GALNTL6: variants seen among roughly 807,000 people sequenced by gnomAD.
GALNTL6 encodes polypeptide N-acetylgalactosaminyltransferase like 6.
A neutral mutation model predicts 73.7 loss-of-function variants in GALNTL6; 46 were observed. That is an observed-to-expected ratio of 0.62 (90% confidence interval 0.49 to 0.80). The LOEUF (loss-of-function observed/expected upper bound fraction) is 0.80, where lower values mean the gene tolerates loss of function less well. Among genes scored for constraint, GALNTL6 ranks in the 30% least tolerant of loss-of-function variants. The pLI, the probability that GALNTL6 is intolerant of heterozygous loss-of-function variation, is 0.00. For synonymous variants in GALNTL6, 259 were observed against 263.7 expected, an observed-to-expected ratio of 0.98 and a Z score of 0.17; for missense variants, 604 against 755.0, an observed-to-expected ratio of 0.80 and a Z score of 2.34.
chr4:172,117,507 G>C (rs1261066757), intron 2 of GALNTL6, among the ~76,000 whole-genome samples: 1 of 152,036 alleles, frequency 6.6e-6, no homozygotes, highest in South Asian at 2.1e-4. Flanking sequence ...GGACATCTAC[G>C]TTTGTTTTAT....
At chr4:171,908,532 T>G (rs1401673675) in intron 2 of GALNTL6, among the ~76,000 whole-genome samples, 1 of 151,922 alleles carries the variant, frequency 6.6e-6, no homozygotes, top group South Asian at 2.1e-4. Flanking sequence ...AGGAACACTT[T>G]TACACTGTTG....
chr4:172,977,572 AAG>A (rs1750874158), intron 10 of GALNTL6, among the ~76,000 whole-genome samples: 1 of 152,320 alleles, frequency 6.6e-6, no homozygotes, highest in African/African-American at 2.4e-5. Flanking sequence ...GTAAAGGAAA[AAG>A]AATATTTGGA....
intron 2 of GALNTL6, among the ~76,000 whole-genome samples, chr4:172,124,683 C>G (rs1404584906): frequency 3.9e-5 from 6 of 152,096 alleles, no homozygotes; most frequent in African/African-American, 1.4e-4. Context: ...AAAAACAAAT[C>G]TACTGAAGAG....
chr4:172,183,817 G>A (rs901587631), intron 2 of GALNTL6, among the ~76,000 whole-genome samples: 5 of 138,594 alleles, frequency 3.6e-5, no homozygotes, highest in African/African-American at 1.0e-4. Flanking sequence ...TTTTTGAGAC[G>A]GAGTCTCTCT....
At chr4:171,831,469 C>T (rs1490533632) in intron 2 of GALNTL6, among the ~76,000 whole-genome samples, 2 of 151,916 alleles carry the variant, frequency 1.3e-5, no homozygotes, top group African/African-American at 2.4e-5. Flanking sequence ...ATTATATCTC[C>T]TCTTGTTTGT....
chr4:172,281,005 C>CAAA (rs34883890), intron 3 of GALNTL6, among the ~76,000 whole-genome samples: 10 of 132,722 alleles, frequency 7.5e-5, no homozygotes, highest in South Asian at 2.5e-4. Context: ...CTAAAAAATA[C>CAAA]AAAAAAAAAA....
At chr4:172,559,380 G>C (rs1230061004) in intron 5 of GALNTL6, among the ~76,000 whole-genome samples, 3 of 152,044 alleles carry the variant, frequency 2.0e-5, no homozygotes, top group Non-Finnish European at 4.4e-5. Context: ...TGATAATTAA[G>C]TCATAGAATT....
intron 2 of GALNTL6, among the ~76,000 whole-genome samples, chr4:172,158,811 T>C (rs907111158): frequency 6.6e-6 from 1 of 152,216 alleles, no homozygotes; most frequent in South Asian, 2.1e-4. Context: ...GTGCAAAAGC[T>C]ATGAAACATA....
At chr4:172,295,684 A>C (rs1337290353) in intron 3 of GALNTL6, among the ~76,000 whole-genome samples, 1 of 151,238 alleles carries the variant, frequency 6.6e-6, no homozygotes, top group Non-Finnish European at 1.5e-5. Context: ...ATACATTTTT[A>C]ATTCAGATCC....
At chr4:172,501,803 C>T (rs1214541707) in intron 5 of GALNTL6, among the ~76,000 whole-genome samples, 1 of 152,064 alleles carries the variant, frequency 6.6e-6, no homozygotes, top group Non-Finnish European at 1.5e-5. Flanking sequence ...ATGTATAAGC[C>T]TCCTATAGTT....
chr4:172,862,211 T>C (rs932954921), intron 7 of GALNTL6, among the ~76,000 whole-genome samples: 2 of 152,174 alleles, frequency 1.3e-5, no homozygotes, highest in African/African-American at 4.8e-5. Flanking sequence ...AAAGTCCAGG[T>C]TGAGGTGGTC....
chr4:172,330,033 T>C (rs1373044090), intron 4 of GALNTL6, among the ~76,000 whole-genome samples: 1 of 152,222 alleles, frequency 6.6e-6, no homozygotes, highest in East Asian at 1.9e-4. Context: ...TACTGGTGGC[T>C]GGCTGGAGTT....
intron 5 of GALNTL6, among the ~76,000 whole-genome samples, chr4:172,411,199 G>T (rs1744421041): frequency 6.6e-6 from 1 of 152,054 alleles, no homozygotes; most frequent in South Asian, 2.1e-4. Context: ...AGGGCCAAAG[G>T]GCTTTTAATG....
intron 2 of GALNTL6, among the ~76,000 whole-genome samples, chr4:171,914,110 A>G (rs1737547748): frequency 6.6e-6 from 1 of 152,166 alleles, no homozygotes; most frequent in Admixed American, 6.5e-5. Flanking sequence ...TAACAAAATC[A>G]TCAAAACACT....
At chr4:172,273,226 T>A (rs980197000) in intron 3 of GALNTL6, among the ~76,000 whole-genome samples, 4 of 152,160 alleles carry the variant, frequency 2.6e-5, no homozygotes, top group Admixed American at 6.6e-5. Context: ...CAAATATTTT[T>A]AAAAAATATA....
chr4:172,564,873 C>T (rs891095522), intron 5 of GALNTL6, among the ~76,000 whole-genome samples: 3 of 152,168 alleles, frequency 2.0e-5, no homozygotes, highest in Non-Finnish European at 4.4e-5. Flanking sequence ...TTCATGTAGG[C>T]AGAGGAAAGT....
intron 2 of GALNTL6, among the ~76,000 whole-genome samples, chr4:172,118,064 C>T (rs1733034530): frequency 6.6e-6 from 1 of 151,874 alleles, no homozygotes; most frequent in Non-Finnish European, 1.5e-5. Context: ...GATATTTTAC[C>T]TTCAGGAAAA....
intron 2 of GALNTL6, among the ~76,000 whole-genome samples, chr4:171,832,285 G>A (rs926812989): frequency 6.1e-5 from 9 of 148,624 alleles, no homozygotes; most frequent in African/African-American, 2.2e-4. Context: ...ATCTATATAT[G>A]TTTTCAGTCT....
intron 2 of GALNTL6, among the ~76,000 whole-genome samples, chr4:172,005,137 A>G (rs1740798256): frequency 6.8e-6 from 1 of 146,826 alleles, no homozygotes; most frequent in Admixed American, 6.9e-5. Flanking sequence ...TTATTTATTT[A>G]TTTTTGAGAC....
Sources: gnomAD v4.1 joint callset for allele counts (sites outside exome capture counted in the v4.1 genomes callset) on GRCh38, gnomAD v4.1.1 for gene constraint, MANE v1.5 for transcripts, NCBI Gene and HGNC (gene_info 2026-07-23, HGNC 2026-07-21) for gene names.